MMP25: variants seen among roughly 807,000 people sequenced by gnomAD.
MMP25 encodes the protein matrix metallopeptidase 25.
In MMP25, 68 loss-of-function variants were observed where a neutral mutation model predicts 62.1. The ratio of observed to expected loss-of-function variants is 1.10; its 90% CI spans 0.90 to 1.34. The LOEUF (loss-of-function observed/expected upper bound fraction) is 1.34. Among genes scored for constraint, MMP25 ranks in the 40% most tolerant of loss-of-function variants. MMP25 has a pLI of 0.00. For missense variants in MMP25, 942 were observed against 792.5 expected (o/e 1.19, Z -2.26); for synonymous variants, 407 against 345.6 (o/e 1.18, Z -1.97).
chr16:3,050,254 G>GGTAC lies in MMP25; in HGVS notation c.372_375dup (p.Ser126ThrfsTer35). 1.3e-6 allele frequency: 2 copies of GGTAC among 1,591,814 alleles called. No individual in the cohort carries two copies. Among genetic ancestry groups the GGTAC allele is most frequent in the Non-Finnish European group, 1.7e-6 (2 of 1,166,210 alleles). On this transcript the variant is annotated frameshift_variant and splice_region_variant, in exon 4 of 10. Transcript: ENST00000336577. LOFTEE classifies it high-confidence loss of function. ...TTACACCTCACTCCCCTCTCCCCAGGGTACGTTCCTTCCCCCAGAGCTCCC... is the reference window on the plus strand; with the variant it reads ...TTACACCTCACTCCCCTCTCCCCAGGGTACGTACGTTCCTTCCCCCAGAGCTCCC...
chr16:3,050,216 T>A, intron 3 of MMP25, 38 bp from the exon 4 acceptor site: 1 of 1,575,442 alleles, frequency 6.3e-7, no homozygotes, highest in Non-Finnish European at 8.6e-7. Flanking sequence ...GCCTGCTCCC[T>A]CCACGGCCAC....
chr16:3,057,144 C>G lies in MMP25; in HGVS notation c.773C>G (p.Pro258Arg). The G allele has an allele frequency of 6.2e-7, 1 of 1,613,426 alleles. No homozygotes were observed. Among genetic ancestry groups the G allele is most frequent in the Non-Finnish European group, 8.5e-7 (1 of 1,179,716 alleles). ...NSIMRPFYQG[P>R]VGDPDKYRLS... ...ATTATGAGGCCCTTCTACCAGGGTC[C>G]GGTGGGCGACCCTGACAAGTACCGC... Residue 258 changes from proline (P) to arginine (R), a missense_variant, in exon 5 of 10, where the codon CCG becomes CGG. Coordinates refer to ENST00000336577, the MANE Select transcript of MMP25 (RefSeq NM_022468.5).
intron 2 of MMP25, among the ~76,000 whole-genome samples, chr16:3,049,484 G>A (rs940320727): frequency 2.0e-5 from 3 of 152,314 alleles, no homozygotes; most frequent in South Asian, 2.1e-4. Flanking sequence ...TGAGGCTACT[G>A]GGGATGGAGC....
chr16:3,050,109 C>G lies in MMP25; in HGVS notation c.333C>G (p.Ser111Arg). 6.2e-7 allele frequency: 1 copy of G among 1,609,364 alleles called. No homozygotes were observed. Among genetic ancestry groups the G allele is most frequent in the Non-Finnish European group, 8.5e-7 (1 of 1,177,772 alleles). ...LVRRRRRYAL[S>R]GSVWKKRTLT... ...GGCGGCGTCGCCGGTACGCTCTGAG[C>G]GGCAGCGTGTGGAAGAAGCGAACCC... Residue 111 changes from serine (S) to arginine (R), a missense_variant, in exon 3 of 10, where the codon AGC (serine) becomes AGG (arginine). By Grantham distance (110) the Ser-to-Arg change is moderately radical. Transcript: ENST00000336577.
chr16:3,052,297 G>C (rs924434617), intron 4 of MMP25: 1 of 152,270 alleles, frequency 6.6e-6, no homozygotes, highest in Non-Finnish European at 1.5e-5. Flanking sequence ...CCAGAGAAAT[G>C]ACCCGGGACA....
rs1049342420 is a variant in MMP25 at position 3,046,790 on chromosome 16, G to C, written c.-128G>C. ...CCACACACATCCCAGCCCTCCGGCC[G>C]ATCCCTCCCTACTCGGTGCCGGGTG... On this transcript the variant is annotated 5_prime_UTR_variant, in exon 1 of 10. Coordinates refer to ENST00000336577, the MANE Select transcript of MMP25 (RefSeq NM_022468.5). The C allele has an allele frequency of 6.1e-6, 3 of 488,290 alleles. No homozygotes were observed. The highest frequency in any genetic ancestry group is 1.0e-5 in the Non-Finnish European group (3 of 286,304). The allele number at this position is 488,290 out of a possible 1,614,324, so 30.2% of individuals were successfully genotyped here.
At chr16:3,054,413 C>T (rs1421491617) in intron 4 of MMP25, 2 of 118,522 alleles carry the variant, frequency 1.7e-5, no homozygotes, top group Non-Finnish European at 3.4e-5. Flanking sequence ...TGCACAGAGG[C>T]AGGGATGGAT....
At chr16:3,056,873 G>A (rs1956018250) in intron 4 of MMP25, 160 bp from the exon 5 acceptor site, 1 of 639,258 alleles carries the variant, frequency 1.6e-6, no homozygotes, top group Non-Finnish European at 2.6e-6. Flanking sequence ...TGGAGACAGG[G>A]ATGATGGAGA....
rs371020725 is a variant in MMP25 at position 3,057,145 on chromosome 16, G to A, written c.774G>A (p.Pro258=). 20 of 1,613,250 alleles carry A rather than the reference G, an allele frequency of 1.2e-5. No individual in the cohort carries two copies. The highest frequency in any genetic ancestry group is 4.5e-5 in the East Asian group (2 of 44,888). The change falls in exon 5 of 10, where the codon CCG becomes CCA. Residue 258 remains proline, a synonymous_variant. Transcript: ENST00000336577. The stretch of plus-strand genomic sequence containing the variant: ...TTATGAGGCCCTTCTACCAGGGTCC[G>A]GTGGGCGACCCTGACAAGTACCGCC... The part of the protein sequence containing the change: ...NSIMRPFYQG[P]VGDPDKYRLS...
rs756096860 is a variant in MMP25, at chr16:3,057,624, T to G, written c.1006+11T>G. 6.2e-7 allele frequency: 1 copy of G among 1,613,314 alleles called. No individual in the cohort carries two copies. The highest frequency in any genetic ancestry group is 8.5e-7 in the Non-Finnish European group (1 of 1,179,240). On this transcript the variant is annotated intron_variant, in intron 7 of 9. Coordinates refer to ENST00000336577, the MANE Select transcript of MMP25 (RefSeq NM_022468.5). ...CTTTCTTCTTCAAAGGTGAGTCATTTCACTTGGCCTCATATATGTTGGTTT... is the reference window on the plus strand; with the variant it reads ...CTTTCTTCTTCAAAGGTGAGTCATTGCACTTGGCCTCATATATGTTGGTTT...
Position 3,058,316 on chromosome 16 carries a change from G to C in MMP25, c.1142G>C (p.Arg381Pro), listed in dbSNP as rs751837693. Residue 381 changes from arginine to proline, a missense_variant, in exon 8 of 10, where the codon CGA (arginine) becomes CCA (proline). Physicochemically the swap from Arg to Pro is moderately radical, Grantham distance 103 (BLOSUM62 -2). Coordinates refer to ENST00000336577, the MANE Select transcript of MMP25 (RefSeq NM_022468.5). ...GCCTATGCTCGGCACCGAGACGGCC[G>C]AATCCTCCTCTTTAGCGGTGAGTGG... ...QAAYARHRDG[R>P]ILLFSGPQFW... is the part of the protein sequence containing the mutation. The C allele has an allele frequency of 6.3e-7, 1 of 1,597,242 alleles. No homozygotes were observed. The highest frequency in any genetic ancestry group is 2.3e-5 in the East Asian group (1 of 44,068).
chr16:3,047,130 T>C, intron 1 of MMP25, 114 bp downstream of exon 1: 2 of 1,179,810 alleles, frequency 1.7e-6, no homozygotes, highest in Non-Finnish European at 2.3e-6. Context: ...ATCCAAAGAG[T>C]GACTGAGGAT....
Position 3,058,455 on chromosome 16 carries a change from G to A in MMP25, c.1203G>A (p.Gly401=), listed in dbSNP as rs1349321647. 4.4e-6 allele frequency: 7 copies of A among 1,594,890 alleles called. No individual in the cohort carries two copies. Among genetic ancestry groups the A allele is most frequent in the Non-Finnish European group, 6.0e-6 (7 of 1,171,750 alleles). ...TCCAGGACCGGCAGCTGGAGGGCGG[G>A]GCGCGGCCGCTCACGGAGCTGGGGC... ...WVFQDRQLEG[G]ARPLTELGLP... The change falls in exon 9 of 10, where the codon GGG becomes GGA. Residue 401 remains glycine, a synonymous_variant. Transcript: ENST00000336577.
intron 4 of MMP25, chr16:3,054,570 A>G (rs2151159325): frequency 6.5e-6 from 1 of 154,728 alleles, no homozygotes; most frequent in East Asian, 2.0e-4. Flanking sequence ...GGACAGATGC[A>G]TGCACAGAGG....
chr16:3,058,053 G>A (rs991348419), intron 7 of MMP25, 128 bp from the exon 8 acceptor site: 10 of 1,135,454 alleles, frequency 8.8e-6, no homozygotes, highest in Non-Finnish European at 1.2e-5. Flanking sequence ...GCCAGGATGG[G>A]CTGGTCACCC....
rs1209557544 is a variant in MMP25, at chr16:3,059,137, C to A, written c.*39C>A. The A allele has an allele frequency of 4.7e-6, 7 of 1,480,524 alleles. No homozygotes were observed. The Admixed American group carries it at 1.4e-4, about 29-fold the overall frequency. The allele number at this position is 1,480,524 out of a possible 1,614,324, so 91.7% of individuals were successfully genotyped here. ...CCAGACCGAACAGCGCCCTCCACGG[C>A]CGAGTCCCCCGCCGCTGGACCTGGT... On this transcript the variant is annotated 3_prime_UTR_variant, in exon 10 of 10. Transcript: ENST00000336577.
Position 3,058,659 on chromosome 16 carries a change from C to A in MMP25, c.1407C>A (p.Val469=). Residue 469 remains valine (V), a synonymous_variant, in exon 9 of 10, where the codon GTC becomes GTA. Coordinates refer to ENST00000336577, the MANE Select transcript of MMP25 (RefSeq NM_022468.5). ...GAPPSPDDVT[V]SNAGDTYFFK... is the part of the protein sequence containing the mutation. ...CCCCCTCCCCTGACGATGTCACCGTCAGCAACGCAGGTGGGGAGCGCGGTG... is the reference window on the plus strand; with the variant it reads ...CCCCCTCCCCTGACGATGTCACCGTAAGCAACGCAGGTGGGGAGCGCGGTG... 6.3e-7 allele frequency: 1 copy of A among 1,599,768 alleles called. No homozygotes were observed. Among genetic ancestry groups the A allele is most frequent in the Non-Finnish European group, 8.5e-7 (1 of 1,172,886 alleles).
chr16:3,059,126 G>T lies in MMP25; in HGVS notation c.*28G>T. On this transcript the variant is annotated 3_prime_UTR_variant, in exon 10 of 10. Coordinates refer to ENST00000336577, the MANE Select transcript of MMP25 (RefSeq NM_022468.5). ...GGGGGAGCCATCCAGACCGAACAGC[G>T]CCCTCCACGGCCGAGTCCCCCGCCG... 2 of 1,493,512 alleles carry T rather than the reference G, an allele frequency of 1.3e-6. No homozygotes were observed. Among genetic ancestry groups the T allele is most frequent in the Non-Finnish European group, 9.0e-7 (1 of 1,114,914 alleles). 92.5% of individuals were successfully genotyped at this position (1,493,512 alleles called of 1,614,324 possible).
rs368666312 is a variant in MMP25, at chr16:3,060,165, T to C, written c.*1067T>C. The C allele has an allele frequency of 3.3e-5, 5 of 152,182 alleles. No individual in the cohort carries two copies. The highest frequency in any genetic ancestry group is 1.2e-4 in the African/African-American group (5 of 41,406). The allele number at this position is 152,182 out of a possible 1,614,324, so 9.4% of individuals were successfully genotyped here. ...ACCCTGTCCCCACTCCCCACAGTTT[T>C]AGGATCTAAATGATTGCCTCTGGAA... On this transcript the variant is annotated 3_prime_UTR_variant, in exon 10 of 10. Coordinates refer to ENST00000336577, the MANE Select transcript of MMP25 (RefSeq NM_022468.5).
Sources: allele counts gnomAD v4.1 joint callset (sites outside exome capture counted in the v4.1 genomes callset), GRCh38; gene constraint gnomAD v4.1.1; transcripts MANE v1.5; gene names NCBI Gene and HGNC (gene_info 2026-07-23, HGNC 2026-07-21).